Variants in LHFPL5 observed in about 807,000 individuals in gnomAD.
The protein encoded by LHFPL5 is LHFPL tetraspan subfamily member 5 protein.
Under a neutral mutation model 18.7 loss-of-function variants are expected in LHFPL5, and 12 were observed. The observed-to-expected ratio is 0.64, with a 90% CI of 0.41 to 1.04. The LOEUF is 1.04. Ranked by LOEUF, LHFPL5 falls within the 50% of genes least tolerant of loss-of-function variation. LHFPL5 has a pLI of 0.00. For missense variants in LHFPL5, 259 were observed against 292.1 expected, an observed-to-expected ratio of 0.89 and a Z score of 0.83; for synonymous variants, 111 against 120.2, an observed-to-expected ratio of 0.92 and a Z score of 0.50.
chr6:35,821,449 TTGTGTGTGTGTGTGTGTGTG>T (rs34049571), intron 3 of LHFPL5, among the ~76,000 whole-genome samples: 12 of 120,438 alleles, frequency 1.0e-4, no homozygotes, highest in African/African-American at 2.2e-4. Context: ...AGCATAATCT[TTGTGTGTGTGTGTGTGTGTG>T]TGTGTGTGTG....
intron 3 of LHFPL5, among the ~76,000 whole-genome samples, chr6:35,820,529 T>C (rs1768846150): frequency 1.3e-5 from 2 of 151,878 alleles, no homozygotes; most frequent in Admixed American, 6.6e-5. Context: ...TGAAACCCCG[T>C]CTCTACTAAA....
intron 3 of LHFPL5, among the ~76,000 whole-genome samples, chr6:35,821,857 ATTTTT>A (rs763639486): frequency 0.016 from 640 of 38,906 alleles, 3 homozygotes; most frequent in African/African-American, 0.05. Flanking sequence ...GTGTACCACA[ATTTTT>A]TTTTTTTTTT....
At chr6:35,813,528 C>G (rs1342478178) in intron 1 of LHFPL5, among the ~76,000 whole-genome samples, 1 of 152,004 alleles carries the variant, frequency 6.6e-6, no homozygotes, top group African/African-American at 2.4e-5. Context: ...CAGGCGTGAG[C>G]CACCGCACCC....
intron 1 of LHFPL5, among the ~76,000 whole-genome samples, chr6:35,807,503 CGGTGAGATGTCCA>C (rs1313417507): frequency 6.6e-6 from 1 of 152,188 alleles, no homozygotes; most frequent in South Asian, 2.1e-4. Context: ...CTGTCCATGT[CGGTGAGATGTCCA>C]GGAGTAGTGC....
intron 1 of LHFPL5, among the ~76,000 whole-genome samples, chr6:35,812,830 G>A (rs529933578): frequency 2.3e-4 from 35 of 152,286 alleles, no homozygotes; most frequent in African/African-American, 4.8e-4. Flanking sequence ...CAAGGCCGGC[G>A]GATCACTTGA....
At chr6:35,815,748 G>A (rs1462449525) in intron 2 of LHFPL5, among the ~76,000 whole-genome samples, 2 of 152,314 alleles carry the variant, frequency 1.3e-5, no homozygotes, top group South Asian at 2.1e-4. Flanking sequence ...CAGAAAGGCA[G>A]TGGCAAAGAA....
chr6:35,814,848 C>A lies in LHFPL5; in HGVS notation c.649+66C>A, dbSNP rs938332238. On this transcript the variant is annotated intron_variant, in intron 2 of 3. Coordinates refer to ENST00000360215, the MANE Select transcript of LHFPL5 (RefSeq NM_182548.4). The surrounding 1 kb of genome is among the most constrained non-coding windows in gnomAD (Gnocchi z 4.2). Reference sequence around the variant, plus strand: ...CCCTGGGATGTGGGTGGGGGTTCATCTTAGCCAGTCCTCTAAGGCTTGGTC... The same window carrying A: ...CCCTGGGATGTGGGTGGGGGTTCATATTAGCCAGTCCTCTAAGGCTTGGTC... 7 of 1,408,160 alleles carry A rather than the reference C, an allele frequency of 5.0e-6. No homozygotes were observed. In the Admixed American group the frequency reaches 6.7e-5, roughly 13 times the overall value. The allele number at this position is 1,408,160 out of a possible 1,614,324, so 87.2% of individuals were successfully genotyped here. A position where few individuals can be genotyped will look rare whatever the true frequency, so the allele number is the denominator to read the frequency against.
chr6:35,824,000 C>T lies in LHFPL5; in HGVS notation c.*1035C>T, dbSNP rs186453856. On this transcript the variant is annotated 3_prime_UTR_variant, in exon 4 of 4. Coordinates refer to ENST00000360215, the MANE Select transcript of LHFPL5 (RefSeq NM_182548.4). ...GTAGTATTTGCATATAACCTATGCA[C>T]ATCCTCCTGTATACTTTAAATCATC... 304 of 152,340 alleles carry T rather than the reference C, an allele frequency of 2.0e-3. 2 individuals carry two copies. The highest frequency in any genetic ancestry group is 6.9e-3 in the African/African-American group (287 of 41,582). The allele number at this position is 152,340 out of a possible 1,614,324, so 9.4% of individuals were successfully genotyped here. A position where few individuals can be genotyped will look rare whatever the true frequency, so the allele number is the denominator to read the frequency against.
intron 2 of LHFPL5, among the ~76,000 whole-genome samples, chr6:35,818,340 TA>T (rs1561955612): frequency 0.011 from 173 of 15,116 alleles, 2 homozygotes; most frequent in African/African-American, 0.016. Flanking sequence ...TATATATATA[TA>T]TATATATGTA....
At chr6:35,815,415 AG>A (rs1270893093) in intron 2 of LHFPL5, among the ~76,000 whole-genome samples, 2 of 151,946 alleles carry the variant, frequency 1.3e-5, no homozygotes, top group Non-Finnish European at 2.9e-5. Context: ...CCTTCTTCCT[AG>A]GGTGCCTTTT....
chr6:35,823,477 A>ACACTCTCTCT lies in LHFPL5; in HGVS notation c.*513_*514insACTCTCTCTC, dbSNP rs1554147856. 2.1e-5 allele frequency: 3 copies of ACACTCTCTCT among 140,750 alleles called. No homozygotes were observed. The highest frequency in any genetic ancestry group is 8.2e-5 in the African/African-American group (3 of 36,488). The allele number at this position is 140,750 out of a possible 1,614,324, so 8.7% of individuals were successfully genotyped here. A position where few individuals can be genotyped will look rare whatever the true frequency, so the allele number is the denominator to read the frequency against. Reference sequence around the variant, plus strand: ...CACACACACACACACACACACACACACTCTCTCTCTCTCTCAAACACACAC... The same window carrying ACACTCTCTCT: ...CACACACACACACACACACACACACACACTCTCTCTCTCTCTCTCTCTCTCAAACACACAC... On this transcript the variant is annotated 3_prime_UTR_variant, in exon 4 of 4. Transcript: ENST00000360215.
intron 2 of LHFPL5, among the ~76,000 whole-genome samples, chr6:35,818,351 A>ATATATATATTTTTT (rs1768805129): frequency 9.4e-6 from 1 of 106,926 alleles, no homozygotes; most frequent in African/African-American, 3.8e-5. Context: ...ATATATATGT[A>ATATATATATTTTTT]TTTTTTTTTT....
At chr6:35,819,682 C>T in intron 3 of LHFPL5, 2 of 506,134 alleles carry the variant, frequency 4.0e-6, no homozygotes, top group South Asian at 2.4e-5. Flanking sequence ...TTACCTGTGT[C>T]TTTTTTTTTT....
chr6:35,822,234 G>C (rs557993089), intron 3 of LHFPL5, among the ~76,000 whole-genome samples: 1 of 152,068 alleles, frequency 6.6e-6, no homozygotes, highest in South Asian at 2.1e-4. Flanking sequence ...GACATTTAGG[G>C]TTGCTATCAT....
chr6:35,823,629 A>AGAGGGGG lies in LHFPL5; in HGVS notation c.*666_*672dup, dbSNP rs554217247. 1.3e-3 allele frequency: 175 copies of AGAGGGGG among 134,994 alleles called. No homozygotes were observed. Among genetic ancestry groups the AGAGGGGG allele is most frequent in the African/African-American group, 4.5e-3 (170 of 38,028 alleles). 8.4% of individuals were successfully genotyped at this position (134,994 alleles called of 1,614,324 possible). On this transcript the variant is annotated 3_prime_UTR_variant, in exon 4 of 4. Transcript: ENST00000360215. ...ATATTTTGTTTTCTTATTGCTGCTCAGAGGGGGGTAAGGAATGGAGGGGCC... is the reference window on the plus strand; with the variant it reads ...ATATTTTGTTTTCTTATTGCTGCTCAGAGGGGGGAGGGGGGTAAGGAATGGAGGGGCC...
chr6:35,815,373 A>C (rs924337611), intron 2 of LHFPL5, among the ~76,000 whole-genome samples: 3 of 152,162 alleles, frequency 2.0e-5, no homozygotes, highest in African/African-American at 4.8e-5. Context: ...CACATCCTCC[A>C]GGAAGCCCTC....
At chr6:35,816,399 G>A (rs549555407) in intron 2 of LHFPL5, among the ~76,000 whole-genome samples, 4 of 151,200 alleles carry the variant, frequency 2.6e-5, no homozygotes, top group Non-Finnish European at 5.9e-5. Context: ...ACTAGAAAGA[G>A]CTGGGCCAAG....
At chr6:35,819,719 C>T in intron 3 of LHFPL5, 2 of 533,196 alleles carry the variant, frequency 3.8e-6, no homozygotes, top group Non-Finnish European at 6.7e-6. Flanking sequence ...CTCTTGTTGC[C>T]CAAGCTGGAG....
rs753583599 is a variant in LHFPL5 at position 35,805,656 on chromosome 6, C to T, written c.-15C>T. ...CAGCCCACGGGACCCCAGCCCAGGG[C>T]CTGCTGCCCTCACCATGGTGAAATT... On this transcript the variant is annotated 5_prime_UTR_variant, in exon 1 of 4. Coordinates refer to ENST00000360215, the MANE Select transcript of LHFPL5 (RefSeq NM_182548.4). The surrounding 1 kb of genome is among the most constrained non-coding windows in gnomAD (Gnocchi z 4.3). 3.1e-6 allele frequency: 5 copies of T among 1,613,916 alleles called. No homozygotes were observed. The highest frequency in any genetic ancestry group is 4.5e-5 in the East Asian group (2 of 44,874).
Sources: gnomAD v4.1 joint callset for allele counts (sites outside exome capture counted in the v4.1 genomes callset) on GRCh38, gnomAD v4.1.1 for gene constraint, Gnocchi (gnomAD v3.1) non-coding constraint, MANE v1.5 for transcripts, NCBI Gene and HGNC (gene_info 2026-07-23, HGNC 2026-07-21) for gene names.